Variants in PRKCB observed in about 807,000 individuals in gnomAD.
PRKCB encodes the protein protein kinase C beta.
A neutral mutation model predicts 81.5 loss-of-function variants in PRKCB; 13 were observed. That is an observed-to-expected ratio of 0.16 (90% CI 0.10 to 0.25). The LOEUF is 0.25. PRKCB is among the 10% of genes least tolerant of loss of function. PRKCB has a pLI of 1.00. For missense variants in PRKCB, 509 were observed against 875.7 expected (o/e 0.58, Z 5.29); for synonymous variants, 335 against 321.4 (o/e 1.04, Z -0.45).
At chr16:23,958,908 C>T (rs1964387767) in intron 2 of PRKCB, among the ~76,000 whole-genome samples, 1 of 152,080 alleles carries the variant, frequency 6.6e-6, no homozygotes, top group Non-Finnish European at 1.5e-5. Flanking sequence ...TGGTTCCGAG[C>T]CAGATGCCAG....
intron 2 of PRKCB, among the ~76,000 whole-genome samples, chr16:23,851,679 G>C (rs1441345785): frequency 6.6e-6 from 1 of 152,064 alleles, no homozygotes; most frequent in African/African-American, 2.4e-5. Context: ...TGGCTAGTAT[G>C]GACATTTTCA....
chr16:23,881,988 TTC>T (rs1441409728), intron 2 of PRKCB, among the ~76,000 whole-genome samples: 26 of 23,762 alleles, frequency 1.1e-3, no homozygotes, highest in Middle Eastern at 0.033. Flanking sequence ...CTTTCTTTCT[TTC>T]TTTCTTTCTT....
intron 10 of PRKCB, among the ~76,000 whole-genome samples, chr16:24,162,552 G>T (rs1234472267): frequency 6.8e-6 from 1 of 147,834 alleles, no homozygotes; most frequent in Non-Finnish European, 1.5e-5. Context: ...GGGCTCAAGC[G>T]ATCCCCCTGC....
Position 24,216,530 on chromosome 16 carries a change from G to A in PRKCB, c.*1714G>A, listed in dbSNP as rs541622767. The A allele has an allele frequency of 1.0e-6, 1 of 985,450 alleles. No individual in the cohort carries two copies. The highest frequency in any genetic ancestry group is 4.7e-5 in the South Asian group (1 of 21,288). The allele number at this position is 985,450 out of a possible 1,614,324, so 61.0% of individuals were successfully genotyped here. A position where few individuals can be genotyped will look rare whatever the true frequency, so the allele number is the denominator to read the frequency against. ...TCCAGAAGTTCCAGGGCTTCTGAGA[G>A]ACCATCAAGGGAACTTTAACAACTT... On this transcript the variant is annotated 3_prime_UTR_variant, in exon 17 of 17. Transcript: ENST00000643927.
intron 2 of PRKCB, among the ~76,000 whole-genome samples, chr16:23,979,021 T>A (rs982197404): frequency 6.6e-6 from 1 of 151,962 alleles, no homozygotes; most frequent in Non-Finnish European, 1.5e-5. Flanking sequence ...TTTCCAGGAG[T>A]GTACAGGCCG....
chr16:24,065,276 C>T lies in PRKCB; in HGVS notation c.530-27515C>T, dbSNP rs113833849. ...CGTTTGTCCCATGTGTTTTACATTC[C>T]TTTTTCTCTTTATTATTGCCTTTTG... On this transcript the variant is annotated intron_variant, in intron 5 of 16. Coordinates refer to ENST00000643927, the MANE Select transcript of PRKCB (RefSeq NM_002738.7). 3.4e-3 allele frequency among the ~76,000 whole-genome samples: 509 copies of T among 151,556 alleles called. 3 individuals are homozygous for T. The highest frequency in any genetic ancestry group is 0.011 in the African/African-American group (453 of 41,442).
At position 23,876,113 on chromosome 16, in the gene PRKCB, G is replaced by T. The variant is rs985933301; in HGVS notation, c.205+38707G>T. ...TTGATCAACTCATTTACACACGCAT[G>T]CAGTCATTTTTTGGACCCCTGTCTA... On this transcript the variant is annotated intron_variant, in intron 2 of 16. Coordinates refer to ENST00000643927, the MANE Select transcript of PRKCB (RefSeq NM_002738.7). Among the ~76,000 whole-genome samples the T allele has an allele frequency of 2.0e-5, 3 of 152,316 alleles. No homozygotes were observed. The East Asian group carries it at 5.8e-4, about 29-fold the overall frequency.
At chr16:24,132,536 C>T (rs774474499) in intron 9 of PRKCB, among the ~76,000 whole-genome samples, 4 of 152,084 alleles carry the variant, frequency 2.6e-5, no homozygotes, top group East Asian at 1.9e-4. Flanking sequence ...ATGGTGACGA[C>T]GAAGATGATG....
chr16:23,906,772 C>T (rs963833136), intron 2 of PRKCB, among the ~76,000 whole-genome samples: 3 of 152,154 alleles, frequency 2.0e-5, no homozygotes, highest in East Asian at 1.9e-4. Flanking sequence ...AATAATCCAT[C>T]GCTTCCCACA....
At position 23,900,278 on chromosome 16, in the gene PRKCB, T is replaced by A. The variant is rs560885171; in HGVS notation, c.205+62872T>A. 1.6e-4 allele frequency among the ~76,000 whole-genome samples: 24 copies of A among 152,344 alleles called. 1 individual carries two copies. In the South Asian group the frequency reaches 5.0e-3, roughly 32 times the overall value. On this transcript the variant is annotated intron_variant, in intron 2 of 16. Transcript: ENST00000643927. Reference sequence around the variant, plus strand: ...TTCCATAAAGCCGAGAGATATCAATTCTTATGCAGTTATCACTGTGTACAG... The same window carrying A: ...TTCCATAAAGCCGAGAGATATCAATACTTATGCAGTTATCACTGTGTACAG...
chr16:24,191,302 CA>C (rs1291726231), intron 16 of PRKCB, 72 bp downstream of exon 16: 1 of 1,562,244 alleles, frequency 6.4e-7, no homozygotes, highest in South Asian at 1.1e-5. Context: ...TCATGTTTTC[CA>C]AATGCTCCCT....
At chr16:23,928,356 G>A (rs991976597) in intron 2 of PRKCB, among the ~76,000 whole-genome samples, 37 of 152,046 alleles carry the variant, frequency 2.4e-4, no homozygotes, top group African/African-American at 8.4e-4. Context: ...TCGAACTCCT[G>A]ACCTCAGGTG....
chr16:24,115,358 TC>T (rs1328632106), intron 8 of PRKCB, among the ~76,000 whole-genome samples: 2 of 124,784 alleles, frequency 1.6e-5, no homozygotes, highest in African/African-American at 5.2e-5. Context: ...AGAGTATTTA[TC>T]CCAAGGATTT....
intron 5 of PRKCB, among the ~76,000 whole-genome samples, chr16:24,036,206 G>A (rs1044409808): frequency 9.3e-4 from 139 of 149,304 alleles, no homozygotes; most frequent in Non-Finnish European, 1.8e-3. Flanking sequence ...GAGAGGAGGA[G>A]CTGCTGGTGG....
chr16:24,073,508 T>C (rs1376827236), intron 5 of PRKCB, among the ~76,000 whole-genome samples: 1 of 152,000 alleles, frequency 6.6e-6, no homozygotes, highest in Non-Finnish European at 1.5e-5. Flanking sequence ...ATCGTGAAAA[T>C]TGTTTTTGTA....
chr16:24,204,183 G>C (rs11640893), intron 16 of PRKCB, among the ~76,000 whole-genome samples: 2,743 of 152,062 alleles, frequency 0.018, 48 homozygotes, highest in Non-Finnish European at 0.031. Flanking sequence ...AGTCATTCTC[G>C]CCACACCCTA....
At chr16:24,061,659 C>T (rs1041541468) in intron 5 of PRKCB, among the ~76,000 whole-genome samples, 1 of 152,086 alleles carries the variant, frequency 6.6e-6, no homozygotes, top group Non-Finnish European at 1.5e-5. Flanking sequence ...TCCTTGGGGC[C>T]TTTAATTTTC....
chr16:23,995,649 C>T (rs191464819), intron 3 of PRKCB, among the ~76,000 whole-genome samples: 107 of 152,240 alleles, frequency 7.0e-4, no homozygotes, highest in African/African-American at 2.6e-3. Flanking sequence ...TGCACAGCAG[C>T]ACTTCATCAT....
rs1567372912 is a variant in PRKCB, at chr16:24,096,669, ATATATATATAT to A, written c.821+2373_821+2383del. On this transcript the variant is annotated intron_variant, in intron 7 of 16. Coordinates refer to ENST00000643927, the MANE Select transcript of PRKCB (RefSeq NM_002738.7). ...TCCTATGGCAAAAAAAAAAAAAAAT[ATATATATATAT>A]ATATATATATATATATATATATATA... Among the ~76,000 whole-genome samples the A allele has an allele frequency of 2.5e-3, 51 of 20,436 alleles. 2 individuals are homozygous for A. The highest frequency in any genetic ancestry group is 5.1e-3 in the African/African-American group (38 of 7,392). The allele number at this position is 20,436 out of a possible 152,430, so 13.4% of individuals were successfully genotyped here.
Sources: allele counts gnomAD v4.1 joint callset (sites outside exome capture counted in the v4.1 genomes callset), GRCh38; gene constraint gnomAD v4.1.1; transcripts MANE v1.5; gene names NCBI Gene and HGNC (gene_info 2026-07-23, HGNC 2026-07-21).